KCNK2: variants seen among roughly 807,000 people sequenced by gnomAD.
KCNK2 encodes the protein potassium channel subfamily K member 2.
A neutral mutation model predicts 40.5 loss-of-function variants in KCNK2; 21 were observed. The observed-to-expected ratio is 0.52, with a 90% CI of 0.37 to 0.75. KCNK2 has a LOEUF of 0.75. Ranked by LOEUF, KCNK2 falls within the 30% of genes least tolerant of loss-of-function variation. KCNK2 has a pLI of 0.00. For missense variants in KCNK2, 399 were observed against 531.6 expected, an observed-to-expected ratio of 0.75 and a Z score of 2.45; for synonymous variants, 191 against 202.2, an observed-to-expected ratio of 0.94 and a Z score of 0.47.
chr1:215,033,212 T>A (rs966372541), intron 1 of KCNK2, among the ~76,000 whole-genome samples: 123 of 151,822 alleles, frequency 8.1e-4, no homozygotes, highest in Middle Eastern at 3.4e-3. Flanking sequence ...TTCTTTTTTT[T>A]TTTTTTGTAG....
chr1:215,187,378 C>T (rs1439319420), intron 5 of KCNK2, among the ~76,000 whole-genome samples: 5 of 152,034 alleles, frequency 3.3e-5, no homozygotes, highest in Admixed American at 6.6e-5. Context: ...TTTTATTTGA[C>T]TGGAAGTCTC....
chr1:215,123,652 A>G (rs1259358564), intron 2 of KCNK2, among the ~76,000 whole-genome samples: 3 of 152,132 alleles, frequency 2.0e-5, no homozygotes, highest in Non-Finnish European at 4.4e-5. Context: ...ATTTGCCAGC[A>G]AACTGTGTAA....
chr1:215,107,056 A>T, intron 2 of KCNK2, among the ~76,000 whole-genome samples: 1 of 149,962 alleles, frequency 6.7e-6, no homozygotes. Context: ...TTTTCTTAGG[A>T]TTGCCTTGGC....
intron 6 of KCNK2, among the ~76,000 whole-genome samples, chr1:215,231,938 A>G (rs185381845): frequency 6.6e-6 from 1 of 152,260 alleles, no homozygotes; most frequent in East Asian, 1.9e-4. Flanking sequence ...CTATCATGAG[A>G]ACAACACGGG....
At chr1:215,213,931 A>T (rs899639813) in intron 6 of KCNK2, among the ~76,000 whole-genome samples, 6 of 152,148 alleles carry the variant, frequency 3.9e-5, no homozygotes, top group African/African-American at 1.4e-4. Context: ...TTCTATCTTA[A>T]TTTATCCTAC....
chr1:215,092,772 G>T (rs555344493), intron 2 of KCNK2, among the ~76,000 whole-genome samples: 52 of 152,244 alleles, frequency 3.4e-4, no homozygotes, highest in African/African-American at 1.2e-3. Flanking sequence ...CCAAGACCAG[G>T]TGCAAATCAT....
At chr1:215,068,927 G>A (rs746262798) in intron 1 of KCNK2, among the ~76,000 whole-genome samples, 16 of 152,150 alleles carry the variant, frequency 1.1e-4, no homozygotes, top group Non-Finnish European at 2.4e-4. Context: ...AATCCTGTTT[G>A]TGGAAAAGTT....
Position 215,053,581 on chromosome 1 carries a change from A to G in KCNK2, c.35-32787A>G, listed in dbSNP as rs565243342. On this transcript the variant is annotated intron_variant, in intron 1 of 6. Transcript: ENST00000391895. ...TGGAAAAGTGATATTTCTATGCTTG[A>G]ACTCAAATCACAATTGCAACCAGGA... 5.9e-5 allele frequency among the ~76,000 whole-genome samples: 9 copies of G among 152,324 alleles called. No individual in the cohort carries two copies. In the South Asian group the frequency reaches 1.0e-3, roughly 18 times the overall value.
rs1666923482 is a variant in KCNK2 at position 215,236,943 on chromosome 1, AT to A, written c.*1799del. 6.6e-6 allele frequency: 1 copy of A among 152,620 alleles called. No individual in the cohort carries two copies. The allele number at this position is 152,620 out of a possible 1,614,324, so 9.5% of individuals were successfully genotyped here. On this transcript the variant is annotated 3_prime_UTR_variant, in exon 7 of 7. Coordinates refer to ENST00000444842, the MANE Select transcript of KCNK2 (RefSeq NM_001017425.3). ...AAGTACTTTTATAAAGTTAAAAAAA[AT>A]CCAACCAAAATTTTAGAAAGTCAGG...
chr1:215,065,983 G>A (rs975985330), intron 1 of KCNK2, among the ~76,000 whole-genome samples: 1 of 152,006 alleles, frequency 6.6e-6, no homozygotes, highest in African/African-American at 2.4e-5. Flanking sequence ...GATGAAGCTG[G>A]AAGCCATCAT....
At chr1:215,127,594 A>G (rs1661490324) in intron 3 of KCNK2, among the ~76,000 whole-genome samples, 1 of 152,114 alleles carries the variant, frequency 6.6e-6, no homozygotes, top group Non-Finnish European at 1.5e-5. Flanking sequence ...CAGCATCATC[A>G]CATGCCAGCA....
intron 2 of KCNK2, among the ~76,000 whole-genome samples, chr1:215,103,333 C>T (rs895382600): frequency 6.6e-6 from 1 of 151,308 alleles, no homozygotes; most frequent in Non-Finnish European, 1.5e-5. Flanking sequence ...CTCTTTATTT[C>T]TGTTTTCTCA....
chr1:215,124,712 G>A lies in KCNK2; in HGVS notation c.437G>A (p.Ser146Asn). The A allele has an allele frequency of 6.2e-7, 1 of 1,612,264 alleles. No individual in the cohort carries two copies. Among genetic ancestry groups the A allele is most frequent in the Non-Finnish European group, 8.5e-7 (1 of 1,178,404 alleles). ...CAAATCAGTCACTGGGATTTGGGAAGTTCCTTCTTCTTTGCTGGCACTGTT... is the reference window on the plus strand; with the variant it reads ...CAAATCAGTCACTGGGATTTGGGAAATTCCTTCTTCTTTGCTGGCACTGTT... ...SNQISHWDLGSSFFFAGTVIT... is the reference protein window; with the variant it reads ...SNQISHWDLGNSFFFAGTVIT... The change falls in exon 3 of 7, where the codon AGT becomes AAT. Residue 146 changes from serine (S) to asparagine (N), a missense_variant. Physicochemically the swap from Ser to Asn is conservative, Grantham distance 46. Coordinates refer to ENST00000444842, the MANE Select transcript of KCNK2 (RefSeq NM_001017425.3).
At chr1:215,080,996 T>G (rs1659133444), upstream of KCNK2, among the ~76,000 whole-genome samples, 1 of 152,156 alleles carries the variant, frequency 6.6e-6, no homozygotes, top group Non-Finnish European at 1.5e-5. Context: ...AGCCAAAAAT[T>G]AGATTTCCTG....
intron 3 of KCNK2, among the ~76,000 whole-genome samples, chr1:215,156,248 A>T (rs1172848135): frequency 2.0e-5 from 3 of 152,176 alleles, no homozygotes; most frequent in African/African-American, 7.2e-5. Context: ...TTCTGATCAT[A>T]AAAATGCCTG....
intron 1 of KCNK2, among the ~76,000 whole-genome samples, chr1:215,039,694 CT>C (rs1161872626): frequency 6.6e-6 from 1 of 152,062 alleles, no homozygotes; most frequent in Non-Finnish European, 1.5e-5. Flanking sequence ...AATATTTTTT[CT>C]CTTTAAATTC....
At chr1:215,181,763 C>A (rs566865450) in intron 5 of KCNK2, among the ~76,000 whole-genome samples, 1 of 152,252 alleles carries the variant, frequency 6.6e-6, no homozygotes, top group African/African-American at 2.4e-5. Context: ...TGGGTATGTA[C>A]TTAATCCTTT....
chr1:215,182,726 C>T lies in KCNK2; in HGVS notation c.823+10543C>T, dbSNP rs144459288. Among the ~76,000 whole-genome samples, 974 of 152,260 alleles carry T rather than the reference C, an allele frequency of 6.4e-3. 7 individuals are homozygous for T. The highest frequency in any genetic ancestry group is 0.022 in the African/African-American group (899 of 41,540). On this transcript the variant is annotated intron_variant, in intron 5 of 6. Transcript: ENST00000444842. The stretch of plus-strand genomic sequence containing the variant: ...TCTGGCCCACGACTAAAATCCTGTG[C>T]GGGCACACTACTGGGTCACCACATA...
At chr1:215,137,964 C>G (rs1314890686) in intron 3 of KCNK2, among the ~76,000 whole-genome samples, 1 of 152,118 alleles carries the variant, frequency 6.6e-6, no homozygotes, top group East Asian at 1.9e-4. Flanking sequence ...ATATCAGATT[C>G]TCAAAGGGGT....
Sources: gnomAD v4.1 joint callset for allele counts (sites outside exome capture counted in the v4.1 genomes callset) on GRCh38, gnomAD v4.1.1 for gene constraint, MANE v1.5 for transcripts, NCBI Gene and HGNC (gene_info 2026-07-23, HGNC 2026-07-21) for gene names.